TBL1XR1: variants seen among roughly 807,000 people sequenced by gnomAD.
The protein encoded by TBL1XR1 is TBL1X/Y related 1.
A neutral mutation model predicts 66.9 loss-of-function variants in TBL1XR1; 5 were observed. That is an observed-to-expected ratio of 0.07 (90% confidence interval 0.04 to 0.16). The LOEUF is 0.16. Among genes scored for constraint, TBL1XR1 ranks in the 10% least tolerant of loss-of-function variants. The probability of loss-of-function intolerance (pLI) is 1.00; values close to 1 mark genes in which losing one functional copy is unlikely to be tolerated. For missense variants in TBL1XR1, 238 were observed against 623.2 expected (o/e 0.38, Z 6.58); for synonymous variants, 210 against 206.0 (o/e 1.02, Z -0.17).
At chr3:177,127,653 C>G (rs1176081771) in intron 1 of TBL1XR1, among the ~76,000 whole-genome samples, 2 of 152,156 alleles carry the variant, frequency 1.3e-5, no homozygotes, top group Non-Finnish European at 2.9e-5. Flanking sequence ...ACATGCAGTT[C>G]TATTTAATCT....
chr3:177,155,396 T>C (rs923826663), intron 1 of TBL1XR1, among the ~76,000 whole-genome samples: 1 of 152,208 alleles, frequency 6.6e-6, no homozygotes, highest in Admixed American at 6.5e-5. Context: ...ATTAAGCTAA[T>C]AATTTCTTTA....
chr3:177,156,554 T>G (rs1731543833), intron 1 of TBL1XR1, among the ~76,000 whole-genome samples: 1 of 149,876 alleles, frequency 6.7e-6, no homozygotes. Context: ...CACACTTATA[T>G]ATATATACAC....
At chr3:177,128,652 G>A (rs1177085898) in intron 1 of TBL1XR1, among the ~76,000 whole-genome samples, 1 of 152,176 alleles carries the variant, frequency 6.6e-6, no homozygotes, top group Non-Finnish European at 1.5e-5. Context: ...GGGATTACAG[G>A]CGTGAGCCAC....
At chr3:177,068,086 A>T (rs182487542) in intron 2 of TBL1XR1, among the ~76,000 whole-genome samples, 4 of 152,230 alleles carry the variant, frequency 2.6e-5, no homozygotes, top group Admixed American at 2.0e-4. Context: ...GATGAAGAGT[A>T]TATCATGCAT....
At chr3:177,115,104 A>G (rs1472392440) in intron 1 of TBL1XR1, among the ~76,000 whole-genome samples, 2 of 152,272 alleles carry the variant, frequency 1.3e-5, no homozygotes, top group African/African-American at 2.4e-5. Flanking sequence ...GATGGACTCC[A>G]TACAGTAAGG....
At chr3:177,160,054 C>T (rs2108884862) in intron 1 of TBL1XR1, among the ~76,000 whole-genome samples, 1 of 152,192 alleles carries the variant, frequency 6.6e-6, no homozygotes, top group African/African-American at 2.4e-5. Context: ...TTACTTAATC[C>T]AATAAAGAGT....
intron 1 of TBL1XR1, among the ~76,000 whole-genome samples, chr3:177,150,287 A>G (rs1334855498): frequency 6.6e-6 from 1 of 152,232 alleles, no homozygotes; most frequent in Admixed American, 6.5e-5. Flanking sequence ...CAAGAATACA[A>G]CAGAGGAGCA....
intron 7 of TBL1XR1, among the ~76,000 whole-genome samples, chr3:177,049,796 G>C (rs538888722): frequency 6.6e-6 from 1 of 152,270 alleles, no homozygotes; most frequent in East Asian, 1.9e-4. Context: ...TGAAGAGCTG[G>C]ATGTTGAACC....
intron 2 of TBL1XR1, among the ~76,000 whole-genome samples, chr3:177,077,948 A>T (rs545560159): frequency 6.6e-6 from 1 of 152,332 alleles, no homozygotes; most frequent in East Asian, 1.9e-4. Context: ...CATTACATCA[A>T]GTCATTTTAA....
chr3:177,173,102 G>A (rs867620432), intron 1 of TBL1XR1, among the ~76,000 whole-genome samples: 6 of 152,122 alleles, frequency 3.9e-5, no homozygotes, highest in African/African-American at 2.4e-5. Context: ...CAGGAGAATC[G>A]CTTGAACCTG....
chr3:177,111,874 A>G (rs1725608650), intron 1 of TBL1XR1, among the ~76,000 whole-genome samples: 1 of 150,556 alleles, frequency 6.6e-6, no homozygotes, highest in Non-Finnish European at 1.5e-5. Context: ...CCTCATCCCA[A>G]CTCTGCCTGT....
intron 1 of TBL1XR1, among the ~76,000 whole-genome samples, chr3:177,161,351 A>G (rs947495893): frequency 6.6e-6 from 1 of 152,234 alleles, no homozygotes; most frequent in African/African-American, 2.4e-5. Flanking sequence ...ACAAGCAGTC[A>G]GCAAACAGGT....
chr3:177,044,753 T>G (rs1428890902), intron 10 of TBL1XR1: 1 of 152,200 alleles, frequency 6.6e-6, no homozygotes, highest in African/African-American at 2.4e-5. Context: ...TAAAAATACT[T>G]TGATACTATG....
At chr3:177,053,738 G>T (rs761863977) in intron 4 of TBL1XR1, 35 bp downstream of exon 4, 2 of 1,588,040 alleles carry the variant, frequency 1.3e-6, no homozygotes, top group South Asian at 2.2e-5. Flanking sequence ...TATTTAAGAT[G>T]AAAAAAATCA....
chr3:177,025,170 T>A lies in TBL1XR1; in HGVS notation c.*328A>T. The A allele has an allele frequency of 3.7e-6, 1 of 273,250 alleles. No individual in the cohort carries two copies. Among genetic ancestry groups the A allele is most frequent in the South Asian group, 1.4e-4 (1 of 7,328 alleles). The allele number at this position is 273,250 out of a possible 1,614,324, so 16.9% of individuals were successfully genotyped here. A position where few individuals can be genotyped will look rare whatever the true frequency, so the allele number is the denominator to read the frequency against. ...GGAGAAACAAGGCTGTCATTTAGTA[T>A]CCAAAAACTGGTACATGTATGTTCT... On this transcript the variant is annotated 3_prime_UTR_variant, in exon 16 of 16. Transcript: ENST00000457928.
chr3:177,109,683 G>A (rs1725314429), intron 1 of TBL1XR1, among the ~76,000 whole-genome samples: 1 of 151,932 alleles, frequency 6.6e-6, no homozygotes, highest in African/African-American at 2.4e-5. Context: ...TTAAATTCCA[G>A]CAGAATTTTG....
Position 177,050,184 on chromosome 3 carries a change from G to T in TBL1XR1, c.561-46C>A, listed in dbSNP as rs370549368. ...TTTTAGATCCTCATGACATTCTCACGTATCAGAACAAGGCAACATATTTAC... is the reference window on the plus strand; with the variant it reads ...TTTTAGATCCTCATGACATTCTCACTTATCAGAACAAGGCAACATATTTAC... On this transcript the variant is annotated intron_variant, in intron 6 of 15. Coordinates refer to ENST00000457928, the MANE Select transcript of TBL1XR1 (RefSeq NM_024665.7). 1.3e-5 allele frequency: 20 copies of T among 1,588,536 alleles called. No individual in the cohort carries two copies. The African/African-American group carries it at 2.6e-4, about 20-fold the overall frequency.
At chr3:177,096,690 C>G (rs547250428) in intron 2 of TBL1XR1, among the ~76,000 whole-genome samples, 5 of 152,224 alleles carry the variant, frequency 3.3e-5, no homozygotes, top group African/African-American at 1.2e-4. Context: ...AGCAGATACT[C>G]CAAATACCAA....
intron 1 of TBL1XR1, among the ~76,000 whole-genome samples, chr3:177,112,080 T>C (rs1428864923): frequency 1.5e-4 from 6 of 38,968 alleles, no homozygotes; most frequent in Non-Finnish European, 2.4e-4. Flanking sequence ...ATCAAATATA[T>C]ATATATATAT....
Sources: allele counts gnomAD v4.1 joint callset (sites outside exome capture counted in the v4.1 genomes callset), GRCh38; gene constraint gnomAD v4.1.1; transcripts MANE v1.5; gene names NCBI Gene and HGNC (gene_info 2026-07-23, HGNC 2026-07-21).